RYR2: variants seen among roughly 807,000 people sequenced by gnomAD.
RYR2 encodes the protein cardiac muscle ryanodine receptor-calcium release channel.
Under a neutral mutation model 601.1 loss-of-function variants are expected in RYR2, and 227 were observed. The observed-to-expected ratio is 0.38, with a 90% CI of 0.34 to 0.42. RYR2 has a LOEUF of 0.42. Ranked by LOEUF, RYR2 falls within the 10% of genes least tolerant of loss-of-function variation. The pLI, the probability that RYR2 is intolerant of heterozygous loss-of-function variation, is 1.00. For missense variants in RYR2, 4,646 were observed against 6,156.5 expected, an observed-to-expected ratio of 0.75 and a Z score of 8.21; for synonymous variants, 2,223 against 2,175.1, an observed-to-expected ratio of 1.02 and a Z score of -0.61.
chr1:237,224,667 G>T (rs1341815495), intron 1 of RYR2, among the ~76,000 whole-genome samples: 1 of 152,058 alleles, frequency 6.6e-6, no homozygotes, highest in African/African-American at 2.4e-5. Context: ...AGACCAGCCT[G>T]TGCAACATAG....
At chr1:237,760,889 G>A in intron 83 of RYR2, 66 bp from the exon 84 acceptor site, 1 of 1,001,196 alleles carries the variant, frequency 1.0e-6, no homozygotes, top group Admixed American at 2.2e-5. Context: ...TTAGATGTTT[G>A]CTCTCCTGAG....
intron 44 of RYR2, among the ~76,000 whole-genome samples, chr1:237,635,403 C>A (rs966799081): frequency 6.6e-6 from 1 of 152,088 alleles, no homozygotes; most frequent in African/African-American, 2.4e-5. Flanking sequence ...CTTAATCATA[C>A]ACTTCAGTTT....
chr1:237,761,798 G>A (rs948643866), intron 84 of RYR2, among the ~76,000 whole-genome samples: 3 of 151,958 alleles, frequency 2.0e-5, no homozygotes, highest in Non-Finnish European at 2.9e-5. Flanking sequence ...TCAGGGCCCC[G>A]TATGTTTATC....
chr1:237,286,443 T>C (rs899196515), intron 2 of RYR2, among the ~76,000 whole-genome samples: 10 of 151,620 alleles, frequency 6.6e-5, no homozygotes, highest in Non-Finnish European at 1.5e-4. Flanking sequence ...CCCTATCATA[T>C]GGTCTATCTT....
At chr1:237,298,133 A>C (rs1272896544) in intron 2 of RYR2, among the ~76,000 whole-genome samples, 1 of 152,106 alleles carries the variant, frequency 6.6e-6, no homozygotes, top group East Asian at 1.9e-4. Flanking sequence ...AAGTTACATC[A>C]TTCTCTTAAC....
At chr1:237,466,388 A>T (rs144565815) in intron 16 of RYR2, among the ~76,000 whole-genome samples, 198 of 152,200 alleles carry the variant, frequency 1.3e-3, no homozygotes, top group African/African-American at 4.6e-3. Flanking sequence ...GGCTGGTCAT[A>T]AACTCCTGGG....
chr1:237,391,238 T>C (rs12078739), intron 10 of RYR2, among the ~76,000 whole-genome samples: 21,672 of 152,088 alleles, frequency 0.14, 1,796 homozygotes, highest in East Asian at 0.37. Context: ...AAGCAGCCTT[T>C]ATTTATTTGT....
intron 94 of RYR2, among the ~76,000 whole-genome samples, chr1:237,792,667 C>G (rs570500900): frequency 6.6e-6 from 1 of 152,260 alleles, no homozygotes; most frequent in Non-Finnish European, 1.5e-5. Context: ...ATTGACTAGT[C>G]TGCCCTGGGA....
At chr1:237,360,968 G>A (rs1159987073) in intron 4 of RYR2, among the ~76,000 whole-genome samples, 2 of 152,144 alleles carry the variant, frequency 1.3e-5, no homozygotes, top group East Asian at 1.9e-4. Flanking sequence ...AGCCTCCTGA[G>A]TAGCTGGGAC....
chr1:237,248,277 A>ACC (rs1215094555), intron 1 of RYR2, among the ~76,000 whole-genome samples: 12 of 6,886 alleles, frequency 1.7e-3, no homozygotes, highest in African/African-American at 2.5e-3. Flanking sequence ...ACCCCCCGCA[A>ACC]CCCCGCCCCC....
intron 1 of RYR2, among the ~76,000 whole-genome samples, chr1:237,134,468 A>G (rs1327436161): frequency 6.6e-6 from 1 of 152,100 alleles, no homozygotes; most frequent in African/African-American, 2.4e-5. Context: ...TTGTGCAGGG[A>G]AACTCCCCCT....
intron 54 of RYR2, 124 bp downstream of exon 54, chr1:237,658,146 C>G: frequency 2.1e-6 from 1 of 478,394 alleles, no homozygotes; most frequent in South Asian, 4.5e-5. Flanking sequence ...GGAAAAAATA[C>G]TTAATTACAA....
At chr1:237,347,997 G>A (rs1698441947) in intron 3 of RYR2, among the ~76,000 whole-genome samples, 1 of 151,914 alleles carries the variant, frequency 6.6e-6, no homozygotes, top group South Asian at 2.1e-4. Flanking sequence ...TATTCATTTG[G>A]GCAGAGATTA....
At chr1:237,810,580 T>A (rs1402815623) in intron 100 of RYR2, among the ~76,000 whole-genome samples, 2 of 152,188 alleles carry the variant, frequency 1.3e-5, no homozygotes, top group African/African-American at 2.4e-5. Context: ...TTTTTAAGTA[T>A]ATATATCCTT....
intron 47 of RYR2, among the ~76,000 whole-genome samples, chr1:237,641,798 T>G (rs573826632): frequency 3.3e-5 from 5 of 152,348 alleles, no homozygotes; most frequent in Non-Finnish European, 7.3e-5. Context: ...TGCCTCGGCC[T>G]CCCAAAGTGC....
At chr1:237,197,867 C>T (rs903534140) in intron 1 of RYR2, among the ~76,000 whole-genome samples, 4 of 152,138 alleles carry the variant, frequency 2.6e-5, no homozygotes, top group African/African-American at 9.7e-5. Flanking sequence ...TTGGATTGAT[C>T]TAAGGATGTG....
chr1:237,111,183 G>A (rs1279160945), intron 1 of RYR2, among the ~76,000 whole-genome samples: 3 of 152,206 alleles, frequency 2.0e-5, no homozygotes, highest in African/African-American at 4.8e-5. Flanking sequence ...TTGGTTCAGA[G>A]GACATTCACA....
intron 24 of RYR2, among the ~76,000 whole-genome samples, chr1:237,520,845 G>A (rs1296310819): frequency 6.6e-6 from 1 of 152,088 alleles, no homozygotes; most frequent in African/African-American, 2.4e-5. Context: ...AGACCAGCCT[G>A]GCCAACATGG....
chr1:237,267,331 C>A (rs1178043718), intron 1 of RYR2, among the ~76,000 whole-genome samples: 1 of 152,100 alleles, frequency 6.6e-6, no homozygotes, highest in African/African-American at 2.4e-5. Context: ...CTAGCCTGGG[C>A]AACATAGTGA....
Sources: gnomAD v4.1 joint callset for allele counts (sites outside exome capture counted in the v4.1 genomes callset) on GRCh38, gnomAD v4.1.1 for gene constraint, MANE v1.5 for transcripts, NCBI Gene and HGNC (gene_info 2026-07-23, HGNC 2026-07-21) for gene names.